Variants in CNTN5 observed in about 807,000 individuals in gnomAD.
CNTN5 encodes contactin 5.
CNTN5 carries 77 observed loss-of-function variants against 129.1 expected under a neutral mutation model. The ratio of observed to expected loss-of-function variants is 0.60; its 90% CI spans 0.50 to 0.72. The LOEUF (loss-of-function observed/expected upper bound fraction) is 0.72. Ranked by LOEUF, CNTN5 falls within the 30% of genes least tolerant of loss-of-function variation. CNTN5 has a pLI of 0.00. For missense variants in CNTN5, 1,478 were observed against 1,328.8 expected (o/e 1.11, Z -1.75); for synonymous variants, 509 against 465.6 (o/e 1.09, Z -1.20).
rs201096207 is a variant in CNTN5, at chr11:100,286,896, C to A, written c.2315-10729C>A. On this transcript the variant is annotated intron_variant, in intron 18 of 24. Transcript: ENST00000524871. ...GAATGTATAACTAGAATAACCAATA[C>A]AGAGAAGTGCTTAAAGGAGCTGATG... is the stretch of plus-strand genomic sequence containing the variant. 2.8e-3 allele frequency among the ~76,000 whole-genome samples: 429 copies of A among 151,908 alleles called. 19 individuals carry two copies. The East Asian group carries it at 0.074, about 26-fold the overall frequency.
chr11:99,536,977 T>G (rs1474917082), intron 2 of CNTN5, among the ~76,000 whole-genome samples: 1 of 152,162 alleles, frequency 6.6e-6, no homozygotes, highest in Non-Finnish European at 1.5e-5. Context: ...TTTACATTCC[T>G]TTTTCTGTAC....
At chr11:99,573,486 C>T (rs1371919259) in intron 3 of CNTN5, among the ~76,000 whole-genome samples, 1 of 151,714 alleles carries the variant, frequency 6.6e-6, no homozygotes, top group Non-Finnish European at 1.5e-5. Context: ...AGGAGAATGG[C>T]GTGAACCAGG....
chr11:100,111,545 A>T (rs181803103), intron 13 of CNTN5, among the ~76,000 whole-genome samples: 344 of 152,314 alleles, frequency 2.3e-3, no homozygotes, highest in African/African-American at 7.7e-3. Context: ...TCTCTCTACC[A>T]AAAGAGACAA....
At chr11:99,646,856 A>G (rs1428259609) in intron 3 of CNTN5, among the ~76,000 whole-genome samples, 1 of 150,376 alleles carries the variant, frequency 6.6e-6, no homozygotes, top group Non-Finnish European at 1.5e-5. Context: ...TGCTATTCAG[A>G]TCATTTGCCC....
intron 1 of CNTN5, among the ~76,000 whole-genome samples, chr11:99,117,911 C>G (rs1367596890): frequency 7.9e-5 from 12 of 152,294 alleles, no homozygotes; most frequent in African/African-American, 2.9e-4. Flanking sequence ...GTTGTTTAAG[C>G]CATCCAGTCC....
At chr11:100,123,750 C>T (rs1469455392) in intron 13 of CNTN5, among the ~76,000 whole-genome samples, 1 of 151,694 alleles carries the variant, frequency 6.6e-6, no homozygotes. Flanking sequence ...GACTATAATG[C>T]AATTAAATGG....
intron 1 of CNTN5, among the ~76,000 whole-genome samples, chr11:99,135,516 G>C (rs546113070): frequency 6.6e-6 from 1 of 152,166 alleles, no homozygotes; most frequent in Non-Finnish European, 1.5e-5. Flanking sequence ...GGGGGCAGAG[G>C]AAGTGTGGAA....
intron 13 of CNTN5, among the ~76,000 whole-genome samples, chr11:100,079,808 G>T (rs780956160): frequency 6.6e-6 from 1 of 151,980 alleles, no homozygotes; most frequent in African/African-American, 2.4e-5. Context: ...ATATTCCACA[G>T]GGATTTTCTC....
chr11:99,214,657 T>C (rs1251968952), intron 1 of CNTN5, among the ~76,000 whole-genome samples: 1 of 152,066 alleles, frequency 6.6e-6, no homozygotes, highest in Non-Finnish European at 1.5e-5. Flanking sequence ...AGTAATTTGA[T>C]GGCTCTTAAC....
Position 99,195,412 on chromosome 11 carries a change from C to A in CNTN5, c.-209-129934C>A, listed in dbSNP as rs926048829. 1.4e-4 allele frequency among the ~76,000 whole-genome samples: 21 copies of A among 152,190 alleles called. No individual in the cohort carries two copies. The East Asian group carries it at 3.9e-3, about 28-fold the overall frequency. On this transcript the variant is annotated intron_variant, in intron 1 of 24. Transcript: ENST00000524871. ...ACATGGTTTAAATGAGAGGATATGGCGTCCTCTTTATTTTTCAAAATTTAT... is the reference window on the plus strand; with the variant it reads ...ACATGGTTTAAATGAGAGGATATGGAGTCCTCTTTATTTTTCAAAATTTAT...
At chr11:100,179,728 A>T (rs1948079420) in intron 13 of CNTN5, among the ~76,000 whole-genome samples, 1 of 151,534 alleles carries the variant, frequency 6.6e-6, no homozygotes, top group Non-Finnish European at 1.5e-5. Context: ...TTATAACCAT[A>T]TTGAACTAAA....
chr11:100,092,758 TG>T (rs1944840081), intron 13 of CNTN5, among the ~76,000 whole-genome samples: 1 of 151,686 alleles, frequency 6.6e-6, no homozygotes, highest in African/African-American at 2.4e-5. Context: ...TTGTCCTCTT[TG>T]CGCATATGTG....
chr11:99,465,370 T>C (rs1037824218), intron 2 of CNTN5, among the ~76,000 whole-genome samples: 7 of 152,200 alleles, frequency 4.6e-5, no homozygotes, highest in African/African-American at 1.7e-4. Flanking sequence ...TATGAAATAA[T>C]ACAGTGATAT....
intron 2 of CNTN5, among the ~76,000 whole-genome samples, chr11:99,406,179 C>T (rs1942055453): frequency 6.6e-6 from 1 of 151,796 alleles, no homozygotes; most frequent in Admixed American, 6.6e-5. Flanking sequence ...GGCTTATTTG[C>T]ACTCATCCTT....
At chr11:99,456,091 G>A (rs548323993) in intron 2 of CNTN5, among the ~76,000 whole-genome samples, 9 of 152,104 alleles carry the variant, frequency 5.9e-5, no homozygotes, top group Admixed American at 1.3e-4. Flanking sequence ...CATTGCTGAC[G>A]TTTTTCTTTT....
At chr11:99,960,961 G>A (rs1186219875) in intron 8 of CNTN5, among the ~76,000 whole-genome samples, 1 of 152,038 alleles carries the variant, frequency 6.6e-6, no homozygotes, top group Admixed American at 6.6e-5. Flanking sequence ...CTAGCATTTT[G>A]GGAGGCCGTG....
chr11:99,441,114 C>A (rs1379337431), intron 2 of CNTN5, among the ~76,000 whole-genome samples: 2 of 152,152 alleles, frequency 1.3e-5, no homozygotes, highest in Non-Finnish European at 2.9e-5. Flanking sequence ...GCCACCCCAC[C>A]TGGAAATACT....
At chr11:99,679,893 A>G (rs540792755) in intron 3 of CNTN5, among the ~76,000 whole-genome samples, 1 of 152,210 alleles carries the variant, frequency 6.6e-6, no homozygotes, top group Non-Finnish European at 1.5e-5. Flanking sequence ...CAGTGAACAT[A>G]CAAATAATAA....
At chr11:100,212,957 A>G (rs560957936) in intron 15 of CNTN5, among the ~76,000 whole-genome samples, 9 of 152,208 alleles carry the variant, frequency 5.9e-5, no homozygotes, top group African/African-American at 2.2e-4. Flanking sequence ...GAATTTCTCA[A>G]TGCAGGAGGA....
Sources: allele counts gnomAD v4.1 joint callset (sites outside exome capture counted in the v4.1 genomes callset), GRCh38; gene constraint gnomAD v4.1.1; transcripts MANE v1.5; gene names NCBI Gene and HGNC (gene_info 2026-07-23, HGNC 2026-07-21).